Variants in WDR17 observed in about 807,000 individuals in gnomAD.
WDR17 encodes the protein WD repeat-containing protein 17.
A neutral mutation model predicts 161.7 loss-of-function variants in WDR17; 143 were observed. The ratio of observed to expected loss-of-function variants is 0.88; its 90% CI spans 0.77 to 1.02. The LOEUF (loss-of-function observed/expected upper bound fraction) is 1.02. WDR17 is among the 50% of genes least tolerant of loss of function. WDR17 has a pLI of 0.00. For missense variants in WDR17, 1,469 were observed against 1,520.9 expected, an observed-to-expected ratio of 0.97 and a Z score of 0.57; for synonymous variants, 517 against 515.6, an observed-to-expected ratio of 1.00 and a Z score of -0.04.
At position 176,125,355 on chromosome 4, in the gene WDR17, G is replaced by T. The variant is rs1388779048; in HGVS notation, c.790G>T (p.Asp264Tyr). Residue 264 changes from aspartate to tyrosine, a missense_variant and splice_region_variant, in exon 5 of 29, where the codon GAT (aspartate) becomes TAT (tyrosine). Physicochemically the swap from Asp to Tyr is radical, Grantham distance 160. Transcript: ENST00000508596. The part of the protein sequence containing the change: ...PSAPGMFITG[D>Y]SQVGVLRIWN... ...TGCTCCTGGGATGTTTATAACTGGA[G>T]GTAAGCTAATCCCCATAACCCAGAG... 6.2e-7 allele frequency: 1 copy of T among 1,613,578 alleles called. No homozygotes were observed.
chr4:176,096,359 C>A, intron 1 of WDR17: 1 of 432,900 alleles, frequency 2.3e-6, no homozygotes, highest in Non-Finnish European at 4.1e-6. Context: ...AAAATTGTTT[C>A]AGCTGAAATA....
intron 1 of WDR17, among the ~76,000 whole-genome samples, chr4:176,097,300 C>T (rs555264475): frequency 6.6e-6 from 1 of 151,788 alleles, no homozygotes; most frequent in Non-Finnish European, 1.5e-5. Context: ...GACAAAAAAA[C>T]CAGACTATGT....
chr4:176,128,759 G>GC lies in WDR17; in HGVS notation c.813dup (p.Ile272HisfsTer11), dbSNP rs1742867394. ...CTAGATTCTCAAGTGGGTGTTTTAC[G>GC]CATTTGGAATGTTTCAAGAACAACA... On this transcript the variant is annotated frameshift_variant, in exon 6 of 29. Coordinates refer to ENST00000508596, the MANE Select transcript of WDR17 (RefSeq NM_181265.4). LOFTEE classifies it high-confidence loss of function. The GC allele has an allele frequency of 6.2e-7, 1 of 1,600,120 alleles. No homozygotes were observed. The highest frequency in any genetic ancestry group is 8.5e-7 in the Non-Finnish European group (1 of 1,175,266).
chr4:176,167,371 G>A (rs112517409), intron 22 of WDR17, among the ~76,000 whole-genome samples: 3 of 151,742 alleles, frequency 2.0e-5, no homozygotes, highest in African/African-American at 7.3e-5. Flanking sequence ...TCTTGGCCGG[G>A]CGCGGTGGCT....
At position 176,179,615 on chromosome 4, in the gene WDR17, A is replaced by G; in HGVS notation, c.*36A>G. ...TTGTCCATGCTTGATTTTTTTTTTT[A>G]AAGAAAAACTTTCATGGGTTAGCAT... On this transcript the variant is annotated 3_prime_UTR_variant, in exon 29 of 29. Transcript: ENST00000508596. The G allele has an allele frequency of 4.8e-6, 7 of 1,466,540 alleles. No homozygotes were observed. Among genetic ancestry groups the G allele is most frequent in the Non-Finnish European group, 4.5e-6 (5 of 1,100,398 alleles). The allele number at this position is 1,466,540 out of a possible 1,614,324, so 90.8% of individuals were successfully genotyped here.
At chr4:176,164,635 C>A (rs1048398858) in intron 22 of WDR17, among the ~76,000 whole-genome samples, 3 of 152,176 alleles carry the variant, frequency 2.0e-5, no homozygotes, top group Non-Finnish European at 4.4e-5. Flanking sequence ...GGATACCCAA[C>A]CTGTACCACT....
intron 1 of WDR17, among the ~76,000 whole-genome samples, chr4:176,084,257 G>C (rs61540581): frequency 6.6e-6 from 1 of 151,968 alleles, no homozygotes; most frequent in Non-Finnish European, 1.5e-5. Flanking sequence ...CATTTGGTTC[G>C]GGTCTCAGGC....
chr4:176,083,688 A>G (rs1253046739), intron 1 of WDR17, among the ~76,000 whole-genome samples: 2 of 152,120 alleles, frequency 1.3e-5, no homozygotes, highest in Non-Finnish European at 2.9e-5. Flanking sequence ...GCTGTTGGCT[A>G]TACACTTAGG....
intron 1 of WDR17, among the ~76,000 whole-genome samples, chr4:176,106,744 A>G (rs1561107505): frequency 6.6e-6 from 1 of 152,220 alleles, no homozygotes; most frequent in Non-Finnish European, 1.5e-5. Flanking sequence ...ACTTGAGGCC[A>G]GGAGTTCGAG....
At position 176,180,379 on chromosome 4, in the gene WDR17, T is replaced by C. The variant is rs1448594669; in HGVS notation, c.*800T>C. The stretch of plus-strand genomic sequence containing the variant: ...TTAATGTGTACAATAATTTACACAG[T>C]ATACTCTAGTCAATTTATGTTAACT... On this transcript the variant is annotated 3_prime_UTR_variant, in exon 29 of 29. Transcript: ENST00000508596. 6.6e-6 allele frequency: 1 copy of C among 152,216 alleles called. No homozygotes were observed. The highest frequency in any genetic ancestry group is 6.5e-5 in the Admixed American group (1 of 15,286). 9.4% of individuals were successfully genotyped at this position (152,216 alleles called of 1,614,324 possible). A position where few individuals can be genotyped will look rare whatever the true frequency, so the allele number is the denominator to read the frequency against.
At chr4:176,096,923 G>GA (rs1256421805) in intron 1 of WDR17, among the ~76,000 whole-genome samples, 1 of 151,544 alleles carries the variant, frequency 6.6e-6, no homozygotes, top group Non-Finnish European at 1.5e-5. Context: ...TTCCCATAAA[G>GA]AAAATCATTT....
intron 7 of WDR17, among the ~76,000 whole-genome samples, chr4:176,133,575 A>G (rs2126765676): frequency 6.6e-6 from 1 of 151,512 alleles, no homozygotes; most frequent in Admixed American, 6.6e-5. Flanking sequence ...TGCTTTTCTC[A>G]CTTTAAAATG....
chr4:176,095,620 C>T (rs1016112564), intron 1 of WDR17, among the ~76,000 whole-genome samples: 3 of 151,986 alleles, frequency 2.0e-5, no homozygotes, highest in African/African-American at 2.4e-5. Flanking sequence ...CTCCTTCCTT[C>T]GTTTCCTTTG....
rs1374317217 is a variant in WDR17 at position 176,150,124 on chromosome 4, C to T, written c.2129C>T (p.Thr710Ile). 6.2e-7 allele frequency: 1 copy of T among 1,613,834 alleles called. No homozygotes were observed. The highest frequency in any genetic ancestry group is 8.5e-7 in the Non-Finnish European group (1 of 1,179,936). ...ATTAGACAGGAAATAGAAAAACTAA[C>T]TGCTAATTCTCAAGTGAAAAAACTA... ...RDIRQEIEKL[T>I]ANSQVKKLRW... Residue 710 changes from threonine (T) to isoleucine (I), a missense_variant, in exon 15 of 29, where the codon ACT (threonine) becomes ATT (isoleucine). Physicochemically the swap from Thr to Ile is moderately conservative, Grantham distance 89 (BLOSUM62 -1). Transcript: ENST00000508596.
Position 176,149,865 on chromosome 4 carries a change from A to G in WDR17, c.1956A>G (p.Thr652=), listed in dbSNP as rs763962645. The G allele has an allele frequency of 1.2e-6, 2 of 1,614,102 alleles. No individual in the cohort carries two copies. The highest frequency in any genetic ancestry group is 1.7e-6 in the Non-Finnish European group (2 of 1,179,996). The change falls in exon 14 of 29, where the codon ACA becomes ACG. Residue 652 remains threonine (T), a synonymous_variant. Coordinates refer to ENST00000508596, the MANE Select transcript of WDR17 (RefSeq NM_181265.4). ...FTMASCSRDS[T]VRLWSLTALV... ...TGGCCTCTTGCTCCCGTGACTCTAC[A>G]GTGAGACTCTGGTCATTAACAGCCT...
At chr4:176,079,982 G>A (rs1734533145) in intron 1 of WDR17, among the ~76,000 whole-genome samples, 2 of 151,966 alleles carry the variant, frequency 1.3e-5, no homozygotes, top group Admixed American at 1.3e-4. Flanking sequence ...GGATTAATTT[G>A]TTCACAAGGG....
intron 2 of WDR17, among the ~76,000 whole-genome samples, chr4:176,114,780 C>T (rs938480945): frequency 2.0e-5 from 3 of 151,658 alleles, no homozygotes; most frequent in East Asian, 1.9e-4. Flanking sequence ...TAGCATGGTC[C>T]GAAAACATCT....
chr4:176,141,664 C>A (rs1199846747), intron 10 of WDR17, among the ~76,000 whole-genome samples: 1 of 152,112 alleles, frequency 6.6e-6, no homozygotes, highest in Non-Finnish European at 1.5e-5. Context: ...AACCCCTGAC[C>A]TCAAGTGATC....
intron 11 of WDR17, 60 bp from the exon 12 acceptor site, chr4:176,145,931 ACCTT>A: frequency 7.0e-7 from 1 of 1,419,316 alleles, no homozygotes; most frequent in Non-Finnish European, 9.6e-7. Flanking sequence ...ACTATGGTAT[ACCTT>A]TAATTATTAG....
Sources: gnomAD v4.1 joint callset for allele counts (sites outside exome capture counted in the v4.1 genomes callset) on GRCh38, gnomAD v4.1.1 for gene constraint, MANE v1.5 for transcripts, NCBI Gene and HGNC (gene_info 2026-07-23, HGNC 2026-07-21) for gene names.